Variants in CRB1 observed in about 807,000 individuals in gnomAD.
CRB1 encodes crumbs cell polarity complex component 1, also known as protein crumbs homolog 1.
In CRB1, 83 loss-of-function variants were observed where a neutral mutation model predicts 120.0. The ratio of observed to expected loss-of-function variants is 0.69; its 90% CI spans 0.58 to 0.83. The LOEUF (loss-of-function observed/expected upper bound fraction) is 0.83. Among genes scored for constraint, CRB1 ranks in the 40% least tolerant of loss-of-function variants. The probability of loss-of-function intolerance (pLI) is 0.00; values close to 1 mark genes in which losing one functional copy is unlikely to be tolerated. For missense variants in CRB1, 1,699 were observed against 1,687.6 expected, an observed-to-expected ratio of 1.01 and a Z score of -0.12; for synonymous variants, 625 against 612.5, an observed-to-expected ratio of 1.02 and a Z score of -0.30.
intron 11 of CRB1, among the ~76,000 whole-genome samples, chr1:197,475,328 A>T (rs1188664090): frequency 6.6e-6 from 1 of 152,110 alleles, no homozygotes; most frequent in Non-Finnish European, 1.5e-5. Context: ...AATGACTGAC[A>T]TCCCAATCCA....
At position 197,421,215 on chromosome 1, in the gene CRB1, G is replaced by A. The variant is rs1393512036; in HGVS notation, c.1387G>A (p.Gly463Ser). 1 of 1,614,194 alleles carries A rather than the reference G, an allele frequency of 6.2e-7. No homozygotes were observed. Among genetic ancestry groups the A allele is most frequent in the East Asian group, 2.2e-5 (1 of 44,878 alleles). The change falls in exon 6 of 12, where the codon GGC (glycine) becomes AGC (serine). Residue 463 changes from glycine to serine, a missense_variant. Physicochemically the swap from Gly to Ser is moderately conservative, Grantham distance 56. Coordinates refer to ENST00000367400, the MANE Select transcript of CRB1 (RefSeq NM_201253.3). ...AACATGCATCCCTCACTTCCAAGAT[G>A]GCCAGCATGGATTCAGCTGCCTATG... is the stretch of plus-strand genomic sequence containing the variant. ...NGTCIPHFQD[G>S]QHGFSCLCPS...
At chr1:197,294,527 A>G (rs1204144537) in intron 1 of CRB1, among the ~76,000 whole-genome samples, 3 of 152,160 alleles carry the variant, frequency 2.0e-5, no homozygotes. Context: ...AACTAGAAAT[A>G]CCATTTGACC....
At chr1:197,453,914 T>A (rs1032744678) in intron 11 of CRB1, among the ~76,000 whole-genome samples, 2 of 36,100 alleles carry the variant, frequency 5.5e-5, no homozygotes. Flanking sequence ...TTAATATATA[T>A]TATTGATATT....
the CRB1 span, among the ~76,000 whole-genome samples, chr1:197,245,057 CTTTCTA>C: frequency 2.0e-5 from 3 of 151,700 alleles, no homozygotes; most frequent in Admixed American, 6.6e-5. Context: ...TTTTCTGATA[CTTTCTA>C]TTTCTTTTTT....
intron 5 of CRB1, among the ~76,000 whole-genome samples, chr1:197,372,959 A>C (rs1661452194): frequency 6.6e-6 from 1 of 152,062 alleles, no homozygotes; most frequent in South Asian, 2.1e-4. Flanking sequence ...TAGACCATAC[A>C]ATTGTTTTGC....
the CRB1 span, among the ~76,000 whole-genome samples, chr1:197,202,172 A>T: frequency 2.0e-5 from 3 of 152,118 alleles, no homozygotes; most frequent in African/African-American, 4.8e-5. Context: ...ATACACATAC[A>T]ACCTGACAAC....
At chr1:197,428,295 A>G (rs954681193) in intron 7 of CRB1, among the ~76,000 whole-genome samples, 5 of 152,200 alleles carry the variant, frequency 3.3e-5, no homozygotes, top group Non-Finnish European at 7.3e-5. Flanking sequence ...ATAATATTTC[A>G]ATTCCTAAAC....
the CRB1 span, among the ~76,000 whole-genome samples, chr1:197,258,287 T>C: frequency 6.6e-6 from 1 of 151,886 alleles, no homozygotes; most frequent in Admixed American, 6.6e-5. Flanking sequence ...GGTTCCTTCC[T>C]TTTTTTTGCG....
At chr1:197,331,109 G>C (rs1391784525) in intron 2 of CRB1, among the ~76,000 whole-genome samples, 1 of 151,844 alleles carries the variant, frequency 6.6e-6, no homozygotes, top group Non-Finnish European at 1.5e-5. Context: ...AGTGAGCCGA[G>C]ATCGCGCCAC....
At chr1:197,428,109 A>T in intron 7 of CRB1, 108 bp downstream of exon 7, 1 of 939,250 alleles carries the variant, frequency 1.1e-6, no homozygotes, top group Admixed American at 2.0e-5. Flanking sequence ...GATGTTACTG[A>T]CCCACCAGTA....
In CRB1 at chr1:197,477,708, A is replaced by G. The variant is rs771682304; in HGVS notation, c.4050A>G (p.Ser1350=). The change falls in exon 12 of 12, where the codon TCA becomes TCG. Residue 1350 remains serine (S), a synonymous_variant. Coordinates refer to ENST00000367400, the MANE Select transcript of CRB1 (RefSeq NM_201253.3). ...LISDIFTTIG[S]VTVALLLILL... Reference sequence around the variant, plus strand: ...CCGACATTTTCACCACTATTGGCTCAGTGACTGTCGCCTTGTTACTGATCC... The same window carrying G: ...CCGACATTTTCACCACTATTGGCTCGGTGACTGTCGCCTTGTTACTGATCC... The G allele has an allele frequency of 6.2e-7, 1 of 1,613,900 alleles. No individual in the cohort carries two copies. The highest frequency in any genetic ancestry group is 8.5e-7 in the Non-Finnish European group (1 of 1,179,870).
chr1:197,204,767 T>G, the CRB1 span, among the ~76,000 whole-genome samples: 5 of 152,206 alleles, frequency 3.3e-5, no homozygotes, highest in African/African-American at 9.6e-5. Flanking sequence ...GTGCAGAAAA[T>G]TGTAGTTTAA....
At chr1:197,227,928 A>G in the CRB1 span, among the ~76,000 whole-genome samples, 2 of 152,202 alleles carry the variant, frequency 1.3e-5, no homozygotes, top group African/African-American at 4.8e-5. Flanking sequence ...CACAAGCTCA[A>G]TACCATGTGG....
intron 1 of CRB1, 26 bp downstream of exon 1, chr1:197,268,508 T>G: frequency 6.6e-7 from 1 of 1,510,062 alleles, no homozygotes; most frequent in South Asian, 1.1e-5. Context: ...TTTGGGCATT[T>G]TTCCTGGTTT....
chr1:197,424,008 T>A (rs1664460270), intron 6 of CRB1, among the ~76,000 whole-genome samples: 3 of 152,220 alleles, frequency 2.0e-5, no homozygotes, highest in Admixed American at 2.0e-4. Flanking sequence ...ATAAATGGCA[T>A]CACCTACCTC....
chr1:197,416,753 C>T (rs1008308371), intron 5 of CRB1, among the ~76,000 whole-genome samples: 7 of 151,764 alleles, frequency 4.6e-5, no homozygotes, highest in African/African-American at 7.3e-5. Flanking sequence ...TCTGTTGCCC[C>T]GGCTGGAGTG....
At chr1:197,253,517 T>G in the CRB1 span, among the ~76,000 whole-genome samples, 1 of 152,108 alleles carries the variant, frequency 6.6e-6, no homozygotes, top group Non-Finnish European at 1.5e-5. Context: ...TTAATTCACA[T>G]TTGTTTTCCC....
At chr1:197,402,567 G>A (rs1324841540) in intron 5 of CRB1, among the ~76,000 whole-genome samples, 1 of 152,082 alleles carries the variant, frequency 6.6e-6, no homozygotes. Flanking sequence ...AGAAAAATAG[G>A]TCAGCTGTCT....
chr1:197,453,618 C>T (rs1352674880), intron 11 of CRB1, among the ~76,000 whole-genome samples: 1 of 137,014 alleles, frequency 7.3e-6, no homozygotes, highest in Non-Finnish European at 1.5e-5. Context: ...GCTCTGTTGC[C>T]CAGGCTAGAG....
Sources: gnomAD v4.1 joint callset for allele counts (sites outside exome capture counted in the v4.1 genomes callset) on GRCh38, gnomAD v4.1.1 for gene constraint, MANE v1.5 for transcripts, NCBI Gene and HGNC (gene_info 2026-07-23, HGNC 2026-07-21) for gene names.